Variants in CFAP20DC observed in about 807,000 individuals in gnomAD.
The protein encoded by CFAP20DC is protein CFAP20DC.
A neutral mutation model predicts 101.7 loss-of-function variants in CFAP20DC; 84 were observed. The observed-to-expected ratio is 0.83, with a 90% CI of 0.69 to 0.99. The LOEUF (loss-of-function observed/expected upper bound fraction) is 0.99. Among genes scored for constraint, CFAP20DC ranks in the 50% least tolerant of loss-of-function variants. The pLI is 0.00. For synonymous variants in CFAP20DC, 359 were observed against 351.2 expected (o/e 1.02, Z -0.25); for missense variants, 1,007 against 970.3 (o/e 1.04, Z -0.50).
At chr3:58,782,070 A>C (rs2071883068) in intron 15 of CFAP20DC, among the ~76,000 whole-genome samples, 1 of 150,820 alleles carries the variant, frequency 6.6e-6, no homozygotes, top group Non-Finnish European at 1.5e-5. Context: ...TAAAAAAATT[A>C]ATATACAAAG....
intron 5 of CFAP20DC, among the ~76,000 whole-genome samples, chr3:58,934,936 G>C (rs1223906689): frequency 6.6e-6 from 1 of 152,216 alleles, no homozygotes; most frequent in African/African-American, 2.4e-5. Flanking sequence ...AATTAGGCAG[G>C]AGAAGGAAAT....
chr3:58,999,816 G>A (rs1371057524), intron 4 of CFAP20DC, among the ~76,000 whole-genome samples: 2 of 138,872 alleles, frequency 1.4e-5, no homozygotes, highest in African/African-American at 5.4e-5. Flanking sequence ...CATGAAAACT[G>A]TCAGAGCCAA....
At chr3:58,824,343 T>G (rs1314874147) in intron 14 of CFAP20DC, 2 of 152,294 alleles carry the variant, frequency 1.3e-5, no homozygotes, top group East Asian at 1.9e-4. Context: ...AACGCTGATA[T>G]GCTGTGGAGC....
At chr3:58,867,161 A>G (rs2079766088) in intron 10 of CFAP20DC, among the ~76,000 whole-genome samples, 1 of 152,198 alleles carries the variant, frequency 6.6e-6, no homozygotes, top group African/African-American at 2.4e-5. Flanking sequence ...GAAACCTAGC[A>G]GGCTAAATTT....
At chr3:58,816,646 C>T (rs572215393) in intron 14 of CFAP20DC, among the ~76,000 whole-genome samples, 14 of 152,272 alleles carry the variant, frequency 9.2e-5, no homozygotes, top group East Asian at 1.9e-4. Context: ...CCTACGCCCA[C>T]GGAATCTTGC....
At chr3:58,818,982 G>A (rs1450105009) in intron 14 of CFAP20DC, among the ~76,000 whole-genome samples, 1 of 150,730 alleles carries the variant, frequency 6.6e-6, no homozygotes, top group African/African-American at 2.5e-5. Flanking sequence ...TCAGGATTAA[G>A]AATCTCACTC....
Position 58,861,657 on chromosome 3 carries a change from C to G in CFAP20DC, c.1593+1901G>C, listed in dbSNP as rs2079258586. On this transcript the variant is annotated intron_variant, in intron 12 of 16. Transcript: ENST00000482387. This position sits in a 1 kb window ranked among gnomAD's most constrained non-coding sequence, Gnocchi z 4.0. ...ATCTTAGCTTGTATCTCGTTAGTCT[C>G]TGTACCAGCAAACCCCAAAGCTTGA... 4.1e-6 allele frequency: 4 copies of G among 985,324 alleles called. No homozygotes were observed. In the South Asian group the frequency reaches 1.4e-4, roughly 35 times the overall value. The allele number at this position is 985,324 out of a possible 1,614,324, so 61.0% of individuals were successfully genotyped here. A position where few individuals can be genotyped will look rare whatever the true frequency, so the allele number is the denominator to read the frequency against.
intron 15 of CFAP20DC, among the ~76,000 whole-genome samples, chr3:58,754,374 G>T (rs1408554196): frequency 6.6e-6 from 1 of 152,066 alleles, no homozygotes; most frequent in Non-Finnish European, 1.5e-5. Context: ...AAGGAAGGGG[G>T]AGTGAGGGCA....
chr3:59,048,017 T>C (rs754145445), intron 1 of CFAP20DC, among the ~76,000 whole-genome samples: 14 of 152,186 alleles, frequency 9.2e-5, no homozygotes, highest in Non-Finnish European at 1.8e-4. Flanking sequence ...AAATAAAATA[T>C]TGTGTCTACA....
chr3:58,963,595 A>G (rs1226510156), intron 4 of CFAP20DC, among the ~76,000 whole-genome samples: 3 of 152,126 alleles, frequency 2.0e-5, no homozygotes. Flanking sequence ...GTAACAGAGA[A>G]GCCTCAAAAT....
intron 13 of CFAP20DC, among the ~76,000 whole-genome samples, chr3:58,844,736 G>T (rs201059578): frequency 2.0e-3 from 247 of 126,416 alleles, no homozygotes; most frequent in Admixed American, 7.8e-3. Context: ...ACCACACCTA[G>T]TCCAAAATTG....
intron 4 of CFAP20DC, among the ~76,000 whole-genome samples, chr3:58,978,582 G>A (rs537101683): frequency 8.6e-5 from 13 of 152,022 alleles, no homozygotes; most frequent in Middle Eastern, 3.4e-3. Context: ...GGTGGTACAC[G>A]TCTGTAATCC....
chr3:58,990,883 G>A (rs1385361823), intron 4 of CFAP20DC, among the ~76,000 whole-genome samples: 5 of 151,764 alleles, frequency 3.3e-5, no homozygotes, highest in African/African-American at 1.2e-4. Context: ...TGTGCTCTGC[G>A]CACTTATTTC....
intron 6 of CFAP20DC, among the ~76,000 whole-genome samples, chr3:58,906,640 C>T (rs548602752): frequency 1.3e-5 from 2 of 152,252 alleles, no homozygotes; most frequent in East Asian, 3.9e-4. Context: ...CTTCAAGATG[C>T]AGTACAGGGC....
chr3:59,023,980 T>C (rs2093849922), intron 4 of CFAP20DC, among the ~76,000 whole-genome samples: 2 of 152,132 alleles, frequency 1.3e-5, no homozygotes, highest in South Asian at 2.1e-4. Flanking sequence ...GGATGAATTC[T>C]TTTGTTTGAA....
chr3:58,993,650 C>G (rs1003355377), intron 4 of CFAP20DC, among the ~76,000 whole-genome samples: 1 of 152,142 alleles, frequency 6.6e-6, no homozygotes, highest in African/African-American at 2.4e-5. Flanking sequence ...GTGTCCTCAT[C>G]ATTCAGCTCC....
chr3:58,827,229 G>A (rs941805219), intron 14 of CFAP20DC, among the ~76,000 whole-genome samples: 1 of 152,024 alleles, frequency 6.6e-6, no homozygotes, highest in Non-Finnish European at 1.5e-5. Context: ...ACAATTATAA[G>A]TCTTTAATAA....
chr3:58,826,610 C>T (rs1222829799), intron 14 of CFAP20DC, among the ~76,000 whole-genome samples: 2 of 152,152 alleles, frequency 1.3e-5, no homozygotes, highest in Admixed American at 6.5e-5. Flanking sequence ...CCGGCTTCAT[C>T]CATGTCCCTG....
intron 7 of CFAP20DC, among the ~76,000 whole-genome samples, chr3:58,875,976 A>G (rs1489563699): frequency 6.6e-6 from 1 of 152,194 alleles, no homozygotes; most frequent in Admixed American, 6.5e-5. Flanking sequence ...TATTATTCCC[A>G]AATCACAGAA....
Sources: gnomAD v4.1 joint callset for allele counts (sites outside exome capture counted in the v4.1 genomes callset) on GRCh38, gnomAD v4.1.1 for gene constraint, Gnocchi (gnomAD v3.1) non-coding constraint, MANE v1.5 for transcripts, NCBI Gene and HGNC (gene_info 2026-07-23, HGNC 2026-07-21) for gene names.